Variants in WAPL observed in about 807,000 individuals in gnomAD.
The protein encoded by WAPL is WAPL cohesin release factor, also known as wings apart-like protein homolog.
Under a neutral mutation model 121.0 loss-of-function variants are expected in WAPL, and 5 were observed. The ratio of observed to expected loss-of-function variants is 0.04; its 90% CI spans 0.02 to 0.09. The LOEUF (loss-of-function observed/expected upper bound fraction) is 0.09. Ranked by LOEUF, WAPL falls within the 10% of genes least tolerant of loss-of-function variation. The pLI is 1.00. For synonymous variants in WAPL, 480 were observed against 481.5 expected (o/e 1.00, Z 0.04); for missense variants, 999 against 1,410.8 (o/e 0.71, Z 4.68).
chr10:86,478,820 C>G (rs1199034203), intron 4 of WAPL, among the ~76,000 whole-genome samples: 3 of 152,034 alleles, frequency 2.0e-5, no homozygotes, highest in Admixed American at 2.0e-4. Context: ...AAAGGCCGGG[C>G]GTGGTGGCTC....
At chr10:86,484,955 T>C (rs962212808) in intron 4 of WAPL, among the ~76,000 whole-genome samples, 2 of 152,110 alleles carry the variant, frequency 1.3e-5, no homozygotes, top group African/African-American at 2.4e-5. Context: ...TAGTACAAAA[T>C]GGAAAAACAA....
In WAPL at chr10:86,472,279, C is replaced by T. The variant is rs765645124; in HGVS notation, c.1959G>A (p.Glu653=). 3 of 1,608,978 alleles carry T rather than the reference C, an allele frequency of 1.9e-6. No individual in the cohort carries two copies. In the South Asian group the frequency reaches 3.3e-5, roughly 18 times the overall value. The change falls in exon 7 of 19, where the codon GAG becomes GAA. Residue 653 remains glutamate (E), a synonymous_variant. Transcript: ENST00000298767. The surrounding 1 kb of genome is among the most constrained non-coding windows in gnomAD (Gnocchi z 4.2). ...NDVVEFGENQ[E]FTDDIEYLLS... is the part of the protein sequence containing the mutation. ...ACAAGTACTCAATGTCATCAGTGAA[C>T]TCTTGATTTTCACCAAATTCTACAA...
At chr10:86,519,770 A>G (rs550523960) in intron 1 of WAPL, among the ~76,000 whole-genome samples, 1 of 152,250 alleles carries the variant, frequency 6.6e-6, no homozygotes, top group Non-Finnish European at 1.5e-5. Flanking sequence ...CTGTAAGTGT[A>G]CGTACACATA....
chr10:86,461,117 G>A, intron 10 of WAPL, 59 bp downstream of exon 10: 1 of 1,249,548 alleles, frequency 8.0e-7, no homozygotes, highest in Non-Finnish European at 1.1e-6. Context: ...TACGTCAATG[G>A]AGTATTTTCT....
intron 16 of WAPL, 67 bp downstream of exon 16, chr10:86,446,175 G>C: frequency 1.3e-6 from 2 of 1,551,912 alleles, no homozygotes; most frequent in Non-Finnish European, 1.8e-6. Flanking sequence ...AATTAAAATA[G>C]TTTGAAGAAA....
In WAPL at chr10:86,500,277, T is replaced by C; in HGVS notation, c.966A>G (p.Leu322=). 2 of 1,614,248 alleles carry C rather than the reference T, an allele frequency of 1.2e-6. No homozygotes were observed. ...DKLMDGTSQA[L]AKANSESSKD... Reference sequence around the variant, plus strand: ...TACTCGATTCACTGTTTGCTTTGGCTAAGGCCTGACTGGTGCCGTCCATCA... The same window carrying C: ...TACTCGATTCACTGTTTGCTTTGGCCAAGGCCTGACTGGTGCCGTCCATCA... The change falls in exon 3 of 19, where the codon TTA becomes TTG. Residue 322 remains leucine (L), a synonymous_variant. Coordinates refer to ENST00000298767, the MANE Select transcript of WAPL (RefSeq NM_015045.5).
At chr10:86,461,315 T>G in intron 9 of WAPL, 28 bp from the exon 10 acceptor site, 1 of 1,549,442 alleles carries the variant, frequency 6.5e-7, no homozygotes, top group Non-Finnish European at 8.8e-7. Context: ...CATTAATGAA[T>G]ATCAACTTTT....
chr10:86,467,770 A>T (rs1440313405), intron 8 of WAPL, among the ~76,000 whole-genome samples: 1 of 149,038 alleles, frequency 6.7e-6, no homozygotes, highest in Admixed American at 6.8e-5. Flanking sequence ...TCCACCTCCC[A>T]GGTTCAAGCG....
rs1259589210 is a variant in WAPL at position 86,521,674 on chromosome 10, C to T, written c.-332G>A. The T allele has an allele frequency of 2.2e-6, 1 of 463,824 alleles. No homozygotes were observed. Among genetic ancestry groups the T allele is most frequent in the East Asian group, 7.5e-5 (1 of 13,410 alleles). 28.7% of individuals were successfully genotyped at this position (463,824 alleles called of 1,614,324 possible). A position where few individuals can be genotyped will look rare whatever the true frequency, so the allele number is the denominator to read the frequency against. ...CGCTGGGCCGCCGCCGCCTCCTGCG[C>T]CGCCGCTTCCGCCGGTGAATGGTCA... On this transcript the variant is annotated 5_prime_UTR_variant, in exon 1 of 19. Coordinates refer to ENST00000298767, the MANE Select transcript of WAPL (RefSeq NM_015045.5).
chr10:86,497,452 C>A, intron 3 of WAPL, 133 bp from the exon 4 acceptor site: 1 of 686,634 alleles, frequency 1.5e-6, no homozygotes. Flanking sequence ...CACCACAGAG[C>A]TGACAAAATA....
chr10:86,481,130 G>A (rs565071935), intron 4 of WAPL, among the ~76,000 whole-genome samples: 3 of 152,162 alleles, frequency 2.0e-5, no homozygotes, highest in Admixed American at 6.5e-5. Context: ...TACTGGATGT[G>A]GGTAAACTAT....
chr10:86,505,475 C>T (rs1055520571), intron 2 of WAPL, among the ~76,000 whole-genome samples: 10 of 150,260 alleles, frequency 6.7e-5, no homozygotes, highest in African/African-American at 2.5e-4. Context: ...TTAGCAGAGA[C>T]GGGGTTTCAC....
chr10:86,477,775 T>C (rs1281394190), intron 4 of WAPL, among the ~76,000 whole-genome samples: 1 of 152,058 alleles, frequency 6.6e-6, no homozygotes, highest in East Asian at 1.9e-4. Context: ...CACTCCAGCC[T>C]GGGCAACAGA....
intron 9 of WAPL, among the ~76,000 whole-genome samples, chr10:86,465,387 G>A (rs1841375580): frequency 6.6e-6 from 1 of 152,122 alleles, no homozygotes; most frequent in Non-Finnish European, 1.5e-5. Flanking sequence ...TGTATTTTTA[G>A]TGGAGATGGG....
chr10:86,455,223 A>C (rs1234306068), intron 12 of WAPL, among the ~76,000 whole-genome samples: 1 of 152,256 alleles, frequency 6.6e-6, no homozygotes, highest in Admixed American at 6.5e-5. Flanking sequence ...CATGATGACG[A>C]TGGCAGTTTT....
At chr10:86,440,616 A>G (rs1849443871) in intron 17 of WAPL, among the ~76,000 whole-genome samples, 1 of 152,016 alleles carries the variant, frequency 6.6e-6, no homozygotes, top group Admixed American at 6.6e-5. Flanking sequence ...ACTGCTTTTG[A>G]GGCCTGCCTC....
intron 16 of WAPL, 79 bp from the exon 17 acceptor site, chr10:86,443,442 T>C (rs1197706672): frequency 6.6e-5 from 84 of 1,270,856 alleles, no homozygotes; most frequent in Non-Finnish European, 3.7e-5. Context: ...CTGTTAGTTA[T>C]CTTTACTTTA....
chr10:86,471,157 T>G (rs895171630), intron 7 of WAPL, 54 bp from the exon 8 acceptor site: 1 of 1,497,048 alleles, frequency 6.7e-7, no homozygotes, highest in Non-Finnish European at 9.3e-7. Context: ...TACATTAGTT[T>G]TGAGTTTGTG....
At chr10:86,457,252 G>A (rs926851280) in intron 12 of WAPL, among the ~76,000 whole-genome samples, 2 of 148,856 alleles carry the variant, frequency 1.3e-5, no homozygotes, top group South Asian at 4.2e-4. Context: ...CATTTTGGGA[G>A]GTCAAGGCAG....
Sources: allele counts gnomAD v4.1 joint callset (sites outside exome capture counted in the v4.1 genomes callset), GRCh38; gene constraint gnomAD v4.1.1; non-coding constraint Gnocchi (gnomAD v3.1); transcripts MANE v1.5; gene names NCBI Gene and HGNC (gene_info 2026-07-23, HGNC 2026-07-21).